SETBP1: variants seen among roughly 807,000 people sequenced by gnomAD.
The protein encoded by SETBP1 is SET binding protein 1, also known as SET-binding protein.
Under a neutral mutation model 101.0 loss-of-function variants are expected in SETBP1, and 9 were observed. The ratio of observed to expected loss-of-function variants is 0.09; its 90% CI spans 0.05 to 0.16. The LOEUF (loss-of-function observed/expected upper bound fraction) is 0.16, where lower values mean the gene tolerates loss of function less well. SETBP1 is among the 10% of genes least tolerant of loss of function. SETBP1 has a pLI of 1.00. For synonymous variants in SETBP1, 818 were observed against 788.5 expected, an observed-to-expected ratio of 1.04 and a Z score of -0.63; for missense variants, 1,858 against 2,033.8, an observed-to-expected ratio of 0.91 and a Z score of 1.66.
chr18:44,771,044 A>G (rs1262444466), intron 2 of SETBP1, among the ~76,000 whole-genome samples: 1 of 151,942 alleles, frequency 6.6e-6, no homozygotes, highest in African/African-American at 2.4e-5. Context: ...GGAGGCCAAT[A>G]CCATGATCTC....
At chr18:44,985,997 T>A in intron 4 of SETBP1, 1 of 152,120 alleles carries the variant, frequency 6.6e-6, no homozygotes, top group East Asian at 1.9e-4. Context: ...TAGAAAAATA[T>A]ACATTATGGC....
chr18:45,018,587 C>T (rs2072996072), intron 4 of SETBP1, among the ~76,000 whole-genome samples: 1 of 152,220 alleles, frequency 6.6e-6, no homozygotes, highest in African/African-American at 2.4e-5. Context: ...GTTAAAATAA[C>T]AGCATGCTAG....
chr18:44,840,846 A>G (rs2072600937), intron 2 of SETBP1, among the ~76,000 whole-genome samples: 1 of 152,224 alleles, frequency 6.6e-6, no homozygotes, highest in African/African-American at 2.4e-5. Context: ...CCCCATGCCC[A>G]GGGACTCACT....
intron 1 of SETBP1, among the ~76,000 whole-genome samples, chr18:44,696,818 T>C (rs1028929000): frequency 6.6e-6 from 1 of 152,246 alleles, no homozygotes; most frequent in African/African-American, 2.4e-5. Context: ...TGACTGCCTG[T>C]GAACAGCAGA....
At chr18:44,771,901 T>C (rs555580706) in intron 2 of SETBP1, among the ~76,000 whole-genome samples, 87 of 152,334 alleles carry the variant, frequency 5.7e-4, no homozygotes, top group African/African-American at 1.9e-3. Flanking sequence ...ATAAATATTG[T>C]GCTTTGCAGC....
intron 4 of SETBP1, among the ~76,000 whole-genome samples, chr18:45,032,682 A>G (rs910330931): frequency 1.3e-5 from 2 of 152,178 alleles, no homozygotes; most frequent in Non-Finnish European, 2.9e-5. Context: ...TCCCCAAGCT[A>G]TGAGACCCTG....
chr18:44,851,671 CT>C (rs895383810), intron 2 of SETBP1, among the ~76,000 whole-genome samples: 3 of 151,510 alleles, frequency 2.0e-5, no homozygotes, highest in African/African-American at 4.9e-5. Flanking sequence ...ACATAATATG[CT>C]TTTTTTTTCT....
At chr18:44,819,965 G>T (rs1308513723) in intron 2 of SETBP1, among the ~76,000 whole-genome samples, 1 of 152,098 alleles carries the variant, frequency 6.6e-6, no homozygotes, top group Non-Finnish European at 1.5e-5. Flanking sequence ...AAAAAAAAAA[G>T]TTGCCTTGCT....
rs2145102057 is a variant in SETBP1 at position 44,951,310 on chromosome 18, T to C, written c.1970T>C (p.Val657Ala). 5 of 1,613,460 alleles carry C rather than the reference T, an allele frequency of 3.1e-6. No individual in the cohort carries two copies. The highest frequency in any genetic ancestry group is 4.2e-6 in the Non-Finnish European group (5 of 1,180,008). ...CACAAGAAAGTTGGAAAGCTCGGCG[T>C]GTTGGATAAGAAGACCATCAAAACT... ...KFHKKVGKLG[V>A]LDKKTIKTIN... Residue 657 changes from valine (V) to alanine (A), a missense_variant, in exon 4 of 6, where the codon GTG becomes GCG. Val to Ala is a moderately conservative substitution (Grantham distance 64). Coordinates refer to ENST00000649279, the MANE Select transcript of SETBP1 (RefSeq NM_015559.3). The surrounding 1 kb of genome is among the most constrained non-coding windows in gnomAD (Gnocchi z 7.8).
intron 2 of SETBP1, among the ~76,000 whole-genome samples, chr18:44,860,283 A>G (rs1443563553): frequency 6.6e-6 from 1 of 152,182 alleles, no homozygotes; most frequent in Non-Finnish European, 1.5e-5. Flanking sequence ...GAAACAGCCC[A>G]CAGATGCTTG....
intron 2 of SETBP1, among the ~76,000 whole-genome samples, chr18:44,821,079 G>C (rs924897797): frequency 6.6e-6 from 1 of 152,192 alleles, no homozygotes; most frequent in Non-Finnish European, 1.5e-5. Flanking sequence ...AAACAGCATG[G>C]GTTAGTGGAA....
intron 2 of SETBP1, among the ~76,000 whole-genome samples, chr18:44,862,670 G>T (rs1397767475): frequency 6.6e-6 from 1 of 152,220 alleles, no homozygotes; most frequent in Non-Finnish European, 1.5e-5. Flanking sequence ...ATTCCTGTTT[G>T]TAAGCCAATA....
chr18:44,950,688 A>G lies in SETBP1; in HGVS notation c.1348A>G (p.Arg450Gly), dbSNP rs750786924. ...CACCATGAGCAGTGAAGTAGTTAAC[A>G]GGATACTTTCCAACTCTGAGGGGAA... ...GITMSSEVVN[R>G]ILSNSEGNKK... Residue 450 changes from arginine to glycine, a missense_variant, in exon 4 of 6, where the codon AGG becomes GGG. Arg to Gly is a moderately radical substitution (Grantham distance 125, BLOSUM62 -2). Transcript: ENST00000649279. 2 of 1,614,210 alleles carry G rather than the reference A, an allele frequency of 1.2e-6. No individual in the cohort carries two copies. Among genetic ancestry groups the G allele is most frequent in the Non-Finnish European group, 1.7e-6 (2 of 1,180,026 alleles).
chr18:44,927,475 CA>C (rs1269101648), intron 3 of SETBP1, among the ~76,000 whole-genome samples: 3 of 152,118 alleles, frequency 2.0e-5, no homozygotes, highest in Non-Finnish European at 2.9e-5. Flanking sequence ...GAGGAAAAGA[CA>C]AAACTCTCTA....
At position 45,053,726 on chromosome 18, in the gene SETBP1, A is replaced by G. The variant is rs950602084; in HGVS notation, c.4172-9353A>G. On this transcript the variant is annotated intron_variant, in intron 5 of 5. Transcript: ENST00000649279. ...ATATTTAAAATGTGGAAATTTTCCT[A>G]TGTTCATGTTTGCTATATGGTTCTT... Among the ~76,000 whole-genome samples the G allele has an allele frequency of 4.6e-5, 7 of 152,080 alleles. No individual in the cohort carries two copies. The South Asian group carries it at 6.2e-4, about 14-fold the overall frequency.
intron 4 of SETBP1, among the ~76,000 whole-genome samples, chr18:44,967,318 G>T (rs934067843): frequency 6.6e-6 from 1 of 152,192 alleles, no homozygotes; most frequent in Non-Finnish European, 1.5e-5. Flanking sequence ...CCTTGGCATC[G>T]GGACTGTCAC....
chr18:44,987,888 A>G (rs917470048), intron 4 of SETBP1: 5 of 152,226 alleles, frequency 3.3e-5, no homozygotes, highest in Non-Finnish European at 7.3e-5. Context: ...ATAGACAGAC[A>G]TATATAGATA....
chr18:45,009,696 T>C (rs890473936), intron 4 of SETBP1, among the ~76,000 whole-genome samples: 1 of 152,100 alleles, frequency 6.6e-6, no homozygotes, highest in Non-Finnish European at 1.5e-5. Flanking sequence ...CTCTATGAAA[T>C]AGAAAGAACA....
chr18:44,954,182 C>T (rs539536247), intron 4 of SETBP1, among the ~76,000 whole-genome samples: 11 of 152,226 alleles, frequency 7.2e-5, no homozygotes, highest in Admixed American at 2.0e-4. Context: ...CACACAAAAT[C>T]CTTCCCTGCT....
Sources: allele counts gnomAD v4.1 joint callset (sites outside exome capture counted in the v4.1 genomes callset), GRCh38; gene constraint gnomAD v4.1.1; non-coding constraint Gnocchi (gnomAD v3.1); transcripts MANE v1.5; gene names NCBI Gene and HGNC (gene_info 2026-07-23, HGNC 2026-07-21).